ANKRD26: variants seen among roughly 807,000 people sequenced by gnomAD.
ANKRD26 encodes ankyrin repeat domain 26, also known as ankyrin repeat domain-containing protein 26.
In ANKRD26, 141 loss-of-function variants were observed where a neutral mutation model predicts 208.7. The ratio of observed to expected loss-of-function variants is 0.68; its 90% CI spans 0.59 to 0.78. The LOEUF (loss-of-function observed/expected upper bound fraction) is 0.78, where lower values mean the gene tolerates loss of function less well. ANKRD26 is among the 30% of genes least tolerant of loss of function. The probability of loss-of-function intolerance (pLI) is 0.00; values close to 1 mark genes in which losing one functional copy is unlikely to be tolerated. For synonymous variants in ANKRD26, 636 were observed against 660.4 expected (o/e 0.96, Z 0.57); for missense variants, 1,889 against 1,938.7 (o/e 0.97, Z 0.48).
chr10:26,976,267 T>G (rs537781551), intron 5 of ANKRD26, among the ~76,000 whole-genome samples: 2 of 152,114 alleles, frequency 1.3e-5, no homozygotes, highest in East Asian at 3.9e-4. Flanking sequence ...CAGGCTAGAG[T>G]GCAGTGGGGT....
At chr10:26,947,795 G>C in the ANKRD26 span, among the ~76,000 whole-genome samples, 1 of 152,046 alleles carries the variant, frequency 6.6e-6, no homozygotes, top group Non-Finnish European at 1.5e-5. Flanking sequence ...AAAATGATGG[G>C]ATATATGTGT....
chr10:26,972,063 G>A (rs543185857), downstream of ANKRD26, among the ~76,000 whole-genome samples: 40 of 151,924 alleles, frequency 2.6e-4, no homozygotes, highest in South Asian at 2.1e-3. Flanking sequence ...GTGAAACCCC[G>A]TCTCTACTAA....
At chr10:26,949,065 G>A in the ANKRD26 span, among the ~76,000 whole-genome samples, 1 of 152,066 alleles carries the variant, frequency 6.6e-6, no homozygotes, top group African/African-American at 2.4e-5. Flanking sequence ...ATATCAGTGG[G>A]TATTTAGTTT....
chr10:26,977,498 T>G (rs1045310916), intron 5 of ANKRD26, among the ~76,000 whole-genome samples: 1 of 152,224 alleles, frequency 6.6e-6, no homozygotes, highest in African/African-American at 2.4e-5. Flanking sequence ...CAGAGCATAA[T>G]GATATTTTGT....
At chr10:27,043,695 A>G in intron 19 of ANKRD26, 128 bp from the exon 20 acceptor site, 1 of 931,178 alleles carries the variant, frequency 1.1e-6, no homozygotes, top group South Asian at 1.6e-5. Context: ...GATTTTTGTT[A>G]AAAGGATTTA....
Position 27,013,023 on chromosome 10 carries a change from C to T in ANKRD26, c.4812G>A (p.Arg1604=). The T allele has an allele frequency of 6.2e-7, 1 of 1,614,046 alleles. No homozygotes were observed. Among genetic ancestry groups the T allele is most frequent in the Non-Finnish European group, 8.5e-7 (1 of 1,179,972 alleles). Residue 1604 remains arginine (R), a synonymous_variant, in exon 32 of 34, where the codon AGG becomes AGA. Transcript: ENST00000376087. The stretch of plus-strand genomic sequence containing the variant: ...CCACACAAGGTGGCTCCATGACTGG[C>T]CTGGTAGTGAGAGTGGTGAACAAAG... ...SRSLFTTLTT[R]PVMEPPCVGN...
intron 29 of ANKRD26, among the ~76,000 whole-genome samples, chr10:27,022,085 TG>T (rs2053509138): frequency 6.6e-6 from 1 of 152,180 alleles, no homozygotes; most frequent in South Asian, 2.1e-4. Flanking sequence ...CAATTGCTTT[TG>T]GTGTCTTGGC....
chr10:26,974,812 C>A (rs1046092201), exon 6 of ANKRD26, among the ~76,000 whole-genome samples: 7 of 152,206 alleles, frequency 4.6e-5, no homozygotes, highest in Non-Finnish European at 8.8e-5. Context: ...TCGCTCTCAG[C>A]GTTCTGAAGA....
At chr10:27,005,868 T>G in intron 33 of ANKRD26, 145 bp from the exon 34 acceptor site, 1 of 1,044,056 alleles carries the variant, frequency 9.6e-7, no homozygotes, top group Non-Finnish European at 1.3e-6. Context: ...ATATTACTAT[T>G]AAATATAATT....
intron 25 of ANKRD26, chr10:27,030,352 A>G (rs970026876): frequency 7.2e-6 from 7 of 974,844 alleles, no homozygotes; most frequent in Admixed American, 6.2e-5. Flanking sequence ...AATGACCACA[A>G]TGCAAACAGC....
intron 25 of ANKRD26, chr10:27,030,404 A>T: frequency 1.0e-6 from 1 of 985,456 alleles, no homozygotes; most frequent in Non-Finnish European, 1.2e-6. Flanking sequence ...TGGCCATCAG[A>T]GCACTGGACT....
At chr10:27,042,666 T>C (rs779756557) in intron 20 of ANKRD26, among the ~76,000 whole-genome samples, 5 of 151,808 alleles carry the variant, frequency 3.3e-5, no homozygotes, top group Non-Finnish European at 5.9e-5. Context: ...GGCAGGAGAA[T>C]AGCGTGAACC....
Position 27,035,183 on chromosome 10 carries a change from T to C in ANKRD26, c.3267A>G (p.Glu1089=). The C allele has an allele frequency of 6.2e-7, 1 of 1,614,082 alleles. No homozygotes were observed. The highest frequency in any genetic ancestry group is 8.5e-7 in the Non-Finnish European group (1 of 1,179,952). The change falls in exon 24 of 34, where the codon GAA becomes GAG. Residue 1089 remains glutamate (E), a synonymous_variant. Coordinates refer to ENST00000376087, the MANE Select transcript of ANKRD26 (RefSeq NM_014915.3). The stretch of plus-strand genomic sequence containing the variant: ...GTACCCGTTCTAAACCCAAAGTCTT[T>C]TCTCTGAGGGCATCTCTCGTGTGAT... ...EFHHTRDALR[E]KTLGLERVQK...
At chr10:26,963,328 C>T in the ANKRD26 span, among the ~76,000 whole-genome samples, 1 of 152,192 alleles carries the variant, frequency 6.6e-6, no homozygotes, top group South Asian at 2.1e-4. Flanking sequence ...AGGCAACACT[C>T]CAGGTCTAAC....
chr10:26,975,069 T>C (rs2052204683), exon 6 of ANKRD26, among the ~76,000 whole-genome samples: 1 of 152,162 alleles, frequency 6.6e-6, no homozygotes, highest in South Asian at 2.1e-4. Flanking sequence ...ACAGGAGACT[T>C]GTCTTGAGTT....
At chr10:27,025,719 T>C (rs567009509) in intron 27 of ANKRD26, among the ~76,000 whole-genome samples, 42 of 152,216 alleles carry the variant, frequency 2.8e-4, no homozygotes, top group African/African-American at 9.9e-4. Context: ...TCATGCTGAG[T>C]CCTGTCCCCT....
chr10:26,963,153 C>T, the ANKRD26 span, among the ~76,000 whole-genome samples: 1 of 152,198 alleles, frequency 6.6e-6, no homozygotes. Flanking sequence ...TTTACTCCAA[C>T]GGCCACCTCT....
rs11294303 is a variant in ANKRD26 at position 27,028,585 on chromosome 10, C to CAAAAAAAAAAAAA, written c.3972+254_3972+266dup. On this transcript the variant is annotated intron_variant, in intron 27 of 33. Coordinates refer to ENST00000376087, the MANE Select transcript of ANKRD26 (RefSeq NM_014915.3). ...TGGGCGACAGAGTGAGACTCCATCT[C>CAAAAAAAAAAAAA]AAAAAAAAAAAAAAAAAAAAATTAC... Among the ~76,000 whole-genome samples, 23 of 76,062 alleles carry CAAAAAAAAAAAAA rather than the reference C, an allele frequency of 3.0e-4. 2 individuals are homozygous for CAAAAAAAAAAAAA. In the East Asian group the frequency reaches 5.2e-3, roughly 17 times the overall value. The allele number at this position is 76,062 out of a possible 152,430, so 49.9% of individuals were successfully genotyped here.
intron 5 of ANKRD26, among the ~76,000 whole-genome samples, chr10:26,976,504 C>T (rs981361174): frequency 3.9e-5 from 6 of 152,060 alleles, no homozygotes; most frequent in African/African-American, 9.7e-5. Flanking sequence ...CCTGAGCCAC[C>T]GCATCCAACC....
Sources: allele counts gnomAD v4.1 joint callset (sites outside exome capture counted in the v4.1 genomes callset), GRCh38; gene constraint gnomAD v4.1.1; transcripts MANE v1.5; gene names NCBI Gene and HGNC (gene_info 2026-07-23, HGNC 2026-07-21).